The following NBPF8 variants were observed in gnomAD, a reference collection of about 807,000 sequenced individuals.
NBPF8 encodes the protein NBPF member 8.
chr1:120,415,418 C>T (rs1196195705), upstream of NBPF8, among the ~76,000 whole-genome samples: 2 of 152,156 alleles, frequency 1.3e-5, no homozygotes, highest in South Asian at 4.1e-4. Flanking sequence ...TGTGTTCCGG[C>T]CCCGCCGGGG....
At chr1:120,451,354 G>C in intron 12 of NBPF8, 72 bp downstream of exon 10, 1 of 211,200 alleles carries the variant, frequency 4.7e-6, no homozygotes, top group East Asian at 9.2e-5. Context: ...TCGGTGGGGA[G>C]ACGTAAGAGC....
upstream of NBPF8, chr1:120,436,289 T>A (rs1224882933): frequency 9.7e-6 from 10 of 1,033,976 alleles, no homozygotes; most frequent in African/African-American, 1.5e-5. Flanking sequence ...TCTGAGCTAC[T>A]GGCAGTGCTT....
chr1:120,467,829 A>C (rs1661781761), downstream of NBPF8: 1 of 152,204 alleles, frequency 6.6e-6, no homozygotes, highest in South Asian at 2.1e-4. Flanking sequence ...GAATTAATAA[A>C]AACATTTCAT....
intron 11 of NBPF8, 45 bp downstream of exon 9, chr1:120,449,447 C>T (rs1556606405): frequency 2.8e-6 from 4 of 1,436,842 alleles, no homozygotes; most frequent in South Asian, 1.1e-5. Context: ...GAATGATATC[C>T]TGTCTTCTCT....
upstream of NBPF8, chr1:120,432,365 C>A (rs1660904597): frequency 5.5e-5 from 4 of 72,084 alleles, 1 homozygote; most frequent in Non-Finnish European, 5.3e-5. Context: ...TGTATAAGGG[C>A]ACTGGCTTCT....
At chr1:120,415,447 G>A (rs1553245006), upstream of NBPF8, among the ~76,000 whole-genome samples, 21 of 152,162 alleles carry the variant, frequency 1.4e-4, no homozygotes, top group African/African-American at 4.3e-4. Context: ...CCATGCGTTC[G>A]ATTCCTCGCT....
chr1:120,452,294 T>G (rs1465021558), exon 13 of NBPF8: 59 of 1,431,994 alleles, frequency 4.1e-5, no homozygotes, highest in Non-Finnish European at 5.5e-5. Flanking sequence ...CTGAGGGGTG[T>G]AGACTGGCAC....
chr1:120,452,718 C>T (rs1261243207), intron 13 of NBPF8, among the ~76,000 whole-genome samples: 13 of 152,354 alleles, frequency 8.5e-5, no homozygotes, highest in African/African-American at 1.2e-4. Context: ...ATGACTTGTC[C>T]TTCCTGAGTT....
chr1:120,424,658 G>T (rs1159214083), intron 1 of NBPF8, among the ~76,000 whole-genome samples: 1 of 149,862 alleles, frequency 6.7e-6, no homozygotes, highest in African/African-American at 2.5e-5. Flanking sequence ...ATGTTGGCCA[G>T]GTTGGTCTCT....
At chr1:120,415,374 G>A (rs1454485732), upstream of NBPF8, among the ~76,000 whole-genome samples, 33 of 152,118 alleles carry the variant, frequency 2.2e-4, no homozygotes, top group Non-Finnish European at 4.3e-4. Flanking sequence ...TGCGAGCGAC[G>A]GAGGGCGAGG....
chr1:120,422,737 T>C (rs1368940635), intron 1 of NBPF8, among the ~76,000 whole-genome samples: 1 of 132,662 alleles, frequency 7.5e-6, no homozygotes, highest in African/African-American at 3.2e-5. Context: ...CCAAAGTGAC[T>C]GTACACTTTT....
At chr1:120,462,989 G>A (rs1208275113) in intron 21 of NBPF8, 23 bp downstream of exon 19, 1 of 575,140 alleles carries the variant, frequency 1.7e-6, no homozygotes, top group African/African-American at 2.1e-5. Context: ...CTATGAAGGT[G>A]ATAAGCCTCC....
downstream of NBPF8, among the ~76,000 whole-genome samples, chr1:120,468,852 T>C (rs1661824522): frequency 1.3e-5 from 2 of 151,468 alleles, no homozygotes; most frequent in Non-Finnish European, 2.9e-5. Flanking sequence ...ATTTGCATAG[T>C]GTTTCCTGCT....
intron 13 of NBPF8, among the ~76,000 whole-genome samples, 179 bp downstream of exon 11, chr1:120,452,510 G>A (rs1293487814): frequency 6.6e-6 from 1 of 151,982 alleles, no homozygotes; most frequent in African/African-American, 2.4e-5. Context: ...GGGGTTGGAG[G>A]TCACAGTATT....
Position 120,464,368 on chromosome 1 carries a change from T to C in NBPF8, n.3287-8T>C. The C allele has an allele frequency of 5.1e-6, 4 of 779,974 alleles. No individual in the cohort carries two copies. The highest frequency in any genetic ancestry group is 4.9e-5 in the East Asian group (2 of 40,832). The allele number at this position is 779,974 out of a possible 1,614,324, so 48.3% of individuals were successfully genotyped here. A position where few individuals can be genotyped will look rare whatever the true frequency, so the allele number is the denominator to read the frequency against. On this transcript the variant is annotated splice_polypyrimidine_tract_variant and splice_region_variant and intron_variant and non_coding_transcript_variant, in intron 22 of 24. Coordinates refer to ENST00000583271, the Ensembl canonical transcript of NBPF8. ...TGGCGTATTCTTTACTTTTTCCTCC[T>C]TTTCCAGGCTCAGCAGGGAGCTGCT...
At chr1:120,433,077 G>T (rs1299563043), upstream of NBPF8, 1 of 152,102 alleles carries the variant, frequency 6.6e-6, no homozygotes, top group African/African-American at 2.4e-5. Flanking sequence ...ATTAAAGAAG[G>T]CTAAATAAAT....
At chr1:120,435,566 G>A (rs1423538987), upstream of NBPF8, among the ~76,000 whole-genome samples, 8 of 139,832 alleles carry the variant, frequency 5.7e-5, no homozygotes, top group East Asian at 9.8e-4. Context: ...GAAGTCGGCC[G>A]GGCGCGGTGG....
chr1:120,453,540 C>G (rs1175829292), intron 14 of NBPF8, 96 bp downstream of exon 12: 5 of 1,079,504 alleles, frequency 4.6e-6, no homozygotes, highest in East Asian at 2.3e-5. Flanking sequence ...GGTCAAAAAC[C>G]CGCATTTGCT....
exon 8 of NBPF8, chr1:120,445,950 G>A: frequency 1.2e-6 from 1 of 807,914 alleles, no homozygotes; most frequent in South Asian, 1.4e-5. Context: ...CCTCACTCTG[G>A]ATGAGCCGGA....
Sources: gnomAD v4.1 joint callset for allele counts (sites outside exome capture counted in the v4.1 genomes callset) on GRCh38, gnomAD v4.1.1 for gene constraint, MANE v1.5 for transcripts, NCBI Gene and HGNC (gene_info 2026-07-23, HGNC 2026-07-21) for gene names.